TEX9: variants seen among roughly 807,000 people sequenced by gnomAD.
The protein encoded by TEX9 is testis-expressed protein 9.
TEX9 carries 74 observed loss-of-function variants against 59.6 expected under a neutral mutation model. That is an observed-to-expected ratio of 1.24 (90% CI 1.03 to 1.51). The LOEUF is 1.51. TEX9 is among the 40% of genes most tolerant of loss of function. The pLI is 0.00. For synonymous variants in TEX9, 186 were observed against 152.2 expected (o/e 1.22, Z -1.64); for missense variants, 522 against 447.8 (o/e 1.17, Z -1.49).
At chr15:56,427,245 T>C (rs941553886) in intron 10 of TEX9, among the ~76,000 whole-genome samples, 47 of 151,762 alleles carry the variant, frequency 3.1e-4, no homozygotes, top group African/African-American at 1.0e-3. Context: ...CTACTTATTA[T>C]TGATTACTCA....
chr15:56,456,624 C>T, the TEX9 span: 1 of 1,087,460 alleles, frequency 9.2e-7, no homozygotes, highest in Non-Finnish European at 1.3e-6. Flanking sequence ...TTAAGGCCAA[C>T]AATTGATGAT....
chr15:56,309,772 A>C lies in TEX9; in HGVS notation c.-106-63669A>C, dbSNP rs543227656. Reference sequence around the variant, plus strand: ...TCAGTAACAATTAACAGTAGAGAAAAGAGCTGAACTACATTCCGATTTGTG... The same window carrying C: ...TCAGTAACAATTAACAGTAGAGAAACGAGCTGAACTACATTCCGATTTGTG... On this transcript the variant is annotated intron_variant, in intron 1 of 5. Coordinates refer to the TEX9 transcript ENST00000560827. Among the ~76,000 whole-genome samples, 4 of 142,376 alleles carry C rather than the reference A, an allele frequency of 2.8e-5. No individual in the cohort carries two copies. In the South Asian group the frequency reaches 9.1e-4, roughly 32 times the overall value. 93.4% of individuals were successfully genotyped at this position (142,376 alleles called of 152,430 possible). A position where few individuals can be genotyped will look rare whatever the true frequency, so the allele number is the denominator to read the frequency against.
chr15:56,373,502 ATAG>A lies in TEX9; in HGVS notation c.183+1_183+3del. The A allele has an allele frequency of 1.3e-6, 2 of 1,563,772 alleles. No homozygotes were observed. The highest frequency in any genetic ancestry group is 1.7e-6 in the Non-Finnish European group (2 of 1,164,432). On this transcript the variant is annotated splice_donor_variant and coding_sequence_variant, in exon 3 of 13. Transcript: ENST00000352903. LOFTEE classifies it high-confidence loss of function. Reference sequence around the variant, plus strand: ...CGTGGTTCAACAAGCTAAGGAAATAATAGTAAGTATATGTACAATTATTAATAA... The same window carrying A: ...CGTGGTTCAACAAGCTAAGGAAATAATAAGTATATGTACAATTATTAATAA...
intron 1 of TEX9, among the ~76,000 whole-genome samples, chr15:56,329,734 TAC>T (rs1391598035): frequency 1.3e-5 from 2 of 151,860 alleles, no homozygotes; most frequent in East Asian, 1.9e-4. Context: ...TATTTGAAAA[TAC>T]ACAGTTAGAG....
chr15:56,333,609 C>T (rs2046201962), intron 1 of TEX9, among the ~76,000 whole-genome samples: 1 of 152,030 alleles, frequency 6.6e-6, no homozygotes, highest in Non-Finnish European at 1.5e-5. Flanking sequence ...CATCTAAGAG[C>T]TGGAACAAGA....
chr15:56,310,497 G>T (rs192935139), intron 1 of TEX9, among the ~76,000 whole-genome samples: 28 of 152,304 alleles, frequency 1.8e-4, no homozygotes, highest in African/African-American at 6.7e-4. Context: ...CTAGGCCAAG[G>T]TTGAGGCCTA....
chr15:56,434,007 TTA>T, intron 12 of TEX9: 11 of 985,272 alleles, frequency 1.1e-5, no homozygotes, highest in Non-Finnish European at 1.3e-5. Context: ...GTCAGAAAAT[TTA>T]TATATATATT....
exon 10 of TEX9, chr15:56,412,433 C>T (rs780872880): frequency 1.2e-6 from 2 of 1,606,036 alleles, no homozygotes; most frequent in Admixed American, 3.4e-5. Context: ...GGCAAAATAA[C>T]AAGGTATGGA....
At chr15:56,259,938 C>T (rs534836826) in intron 1 of TEX9, among the ~76,000 whole-genome samples, 9 of 151,904 alleles carry the variant, frequency 5.9e-5, no homozygotes, top group East Asian at 5.8e-4. Context: ...AATGTTTTGC[C>T]GTTTTCACTT....
At chr15:56,319,737 G>A (rs759405743) in intron 1 of TEX9, among the ~76,000 whole-genome samples, 13 of 152,286 alleles carry the variant, frequency 8.5e-5, no homozygotes, top group Admixed American at 3.3e-4. Context: ...CAATTCCCAG[G>A]ATGAGGAGGC....
intron 9 of TEX9, among the ~76,000 whole-genome samples, chr15:56,399,697 C>A (rs1295865705): frequency 6.6e-6 from 1 of 152,224 alleles, no homozygotes; most frequent in African/African-American, 2.4e-5. Flanking sequence ...AACTGTGACA[C>A]ACCTCCCAGT....
chr15:56,420,096 C>T (rs1387529207), intron 10 of TEX9, among the ~76,000 whole-genome samples: 1 of 151,682 alleles, frequency 6.6e-6, no homozygotes, highest in Non-Finnish European at 1.5e-5. Context: ...CTGAATATTC[C>T]TCCTACATTC....
intron 9 of TEX9, chr15:56,410,328 G>C (rs1181609387): frequency 6.6e-6 from 1 of 152,116 alleles, no homozygotes; most frequent in African/African-American, 2.4e-5. Context: ...TGCTGTGGCT[G>C]ATGCATGCCC....
chr15:56,259,136 C>T (rs574158239), intron 1 of TEX9, among the ~76,000 whole-genome samples: 19 of 151,880 alleles, frequency 1.3e-4, no homozygotes, highest in Non-Finnish European at 2.2e-4. Flanking sequence ...TGAAATATTC[C>T]GTTATCTTCT....
At chr15:56,434,189 C>T (rs1043655206) in intron 12 of TEX9, 19 of 1,613,710 alleles carry the variant, frequency 1.2e-5, no homozygotes, top group Middle Eastern at 1.6e-4. Flanking sequence ...TTTCCACAGC[C>T]CTCCTGTGTT....
chr15:56,252,273 CA>C (rs1348048251), intron 1 of TEX9, among the ~76,000 whole-genome samples: 1 of 151,782 alleles, frequency 6.6e-6, no homozygotes, highest in East Asian at 1.9e-4. Flanking sequence ...TATATTTGGT[CA>C]GGAAGTATGT....
At chr15:56,449,040 CCACCA>C (rs2050928827), downstream of TEX9, among the ~76,000 whole-genome samples, 1 of 152,170 alleles carries the variant, frequency 6.6e-6, no homozygotes, top group African/African-American at 2.4e-5. Context: ...GAGGCATGAG[CCACCA>C]CACCCGGCTA....
chr15:56,384,468 A>T (rs567021311), intron 4 of TEX9, among the ~76,000 whole-genome samples: 1 of 152,278 alleles, frequency 6.6e-6, no homozygotes, highest in African/African-American at 2.4e-5. Context: ...TAAAATTCCA[A>T]TTGGTAAAAT....
intron 1 of TEX9, among the ~76,000 whole-genome samples, chr15:56,256,703 A>AG (rs1160382337): frequency 6.6e-6 from 1 of 152,074 alleles, no homozygotes; most frequent in Non-Finnish European, 1.5e-5. Flanking sequence ...ATATAATTAT[A>AG]GGTATGAAAT....
Sources: allele counts gnomAD v4.1 joint callset (sites outside exome capture counted in the v4.1 genomes callset), GRCh38; gene constraint gnomAD v4.1.1; transcripts MANE v1.5; gene names NCBI Gene and HGNC (gene_info 2026-07-23, HGNC 2026-07-21).